F5: variants seen among roughly 807,000 people sequenced by gnomAD.
F5 encodes the protein activated protein c cofactor.
In F5, 138 loss-of-function variants were observed where a neutral mutation model predicts 216.4. The ratio of observed to expected loss-of-function variants is 0.64; its 90% CI spans 0.56 to 0.73. F5 has a LOEUF of 0.73. Ranked by LOEUF, F5 falls within the 30% of genes least tolerant of loss-of-function variation. The pLI, the probability that F5 is intolerant of heterozygous loss-of-function variation, is 0.00. For synonymous variants in F5, 916 were observed against 930.7 expected, an observed-to-expected ratio of 0.98 and a Z score of 0.29; for missense variants, 2,403 against 2,674.0, an observed-to-expected ratio of 0.90 and a Z score of 2.24.
intron 10 of F5, 54 bp from the exon 11 acceptor site, chr1:169,546,646 G>C: frequency 6.6e-7 from 1 of 1,503,910 alleles, no homozygotes; most frequent in Non-Finnish European, 9.3e-7. Context: ...TAGACCAATG[G>C]AACAGAATAG....
chr1:169,557,228 A>G (rs948241150), intron 5 of F5, among the ~76,000 whole-genome samples: 1 of 152,190 alleles, frequency 6.6e-6, no homozygotes, highest in African/African-American at 2.4e-5. Flanking sequence ...GACTTTAACT[A>G]TTAGAACTGG....
At chr1:169,569,963 GT>G (rs1045386991) in intron 3 of F5, among the ~76,000 whole-genome samples, 3 of 152,060 alleles carry the variant, frequency 2.0e-5, no homozygotes, top group Admixed American at 2.0e-4. Flanking sequence ...AGGAGGAGAT[GT>G]TTTATTTTAA....
rs369276714 is a variant in F5 at position 169,541,648 on chromosome 1, A to G, written c.3442T>C (p.Ser1148Pro). The change falls in exon 13 of 25, where the codon TCC becomes CCC. Residue 1148 changes from serine (S) to proline (P), a missense_variant. Transcript: ENST00000367797. Reference protein sequence around the residue: ...MHSTSDPSHRSSSPELSEMLE... With the variant: ...MHSTSDPSHRPSSPELSEMLE... ...ATTTCACTGAGCTCTGGAGAAGAGG[A>G]TCTGTGACTGGGGTCTGAAGTAGAG... is the stretch of plus-strand genomic sequence containing the variant. 2.2e-4 allele frequency: 350 copies of G among 1,613,982 alleles called. No homozygotes were observed. Among genetic ancestry groups the G allele is most frequent in the Non-Finnish European group, 2.9e-4 (340 of 1,179,992 alleles).
chr1:169,551,441 C>T (rs1412122692), intron 8 of F5, among the ~76,000 whole-genome samples: 1 of 152,138 alleles, frequency 6.6e-6, no homozygotes, highest in African/African-American at 2.4e-5. Flanking sequence ...CAGAGTAAGA[C>T]CCTTGGTGGG....
intron 17 of F5, 72 bp downstream of exon 17, chr1:169,527,843 T>C: frequency 2.5e-6 from 4 of 1,569,080 alleles, no homozygotes; most frequent in African/African-American, 1.3e-5. Flanking sequence ...AAGGAAGAAA[T>C]GAGAAGGAGT....
rs748029037 is a variant in F5, at chr1:169,514,392, C to G, written c.6596G>C (p.Arg2199Thr). ...KNFFNPPIIS[R>T]FIRVIPKTWN... ...TGTTTTAGGAATGACACGGATAAAC[C>G]TGGAAATGATTGGGGGGTTGAAAAA... is the stretch of plus-strand genomic sequence containing the variant. The change falls in exon 25 of 25, where the codon AGG becomes ACG. Residue 2199 changes from arginine (R) to threonine (T), a missense_variant. By Grantham distance (71) the Arg-to-Thr change is moderately conservative. This residue lies in a region of F5 where 659 missense variants were observed against 787.9 expected (regional missense o/e 0.84). Coordinates refer to ENST00000367797, the MANE Select transcript of F5 (RefSeq NM_000130.5). 3 of 1,613,130 alleles carry G rather than the reference C, an allele frequency of 1.9e-6. No homozygotes were observed. The African/African-American group carries it at 4.0e-5, about 22-fold the overall frequency.
chr1:169,542,918 A>G lies in F5; in HGVS notation c.2172T>C (p.Tyr724=), dbSNP rs778176207. The change falls in exon 13 of 25, where the codon TAT becomes TAC. Residue 724 remains tyrosine, a synonymous_variant. Transcript: ENST00000367797. The part of the protein sequence containing the change: ...EPEDEESDAD[Y]DYQNRLAAAL... Reference sequence around the variant, plus strand: ...CTGCAGCCAGTCTGTTCTGGTAATCATAGTCAGCATCACTCTCTTCATCTT... The same window carrying G: ...CTGCAGCCAGTCTGTTCTGGTAATCGTAGTCAGCATCACTCTCTTCATCTT... The G allele has an allele frequency of 6.2e-7, 1 of 1,614,118 alleles. No individual in the cohort carries two copies. The highest frequency in any genetic ancestry group is 2.2e-5 in the East Asian group (1 of 44,876).
rs575204028 is a variant in F5 at position 169,544,240 on chromosome 1, T to C, written c.1975+56A>G. The C allele has an allele frequency of 3.9e-5, 58 of 1,503,856 alleles. No homozygotes were observed. The East Asian group carries it at 1.1e-3, about 28-fold the overall frequency. The allele number at this position is 1,503,856 out of a possible 1,614,324, so 93.2% of individuals were successfully genotyped here. A position where few individuals can be genotyped will look rare whatever the true frequency, so the allele number is the denominator to read the frequency against. ...AGCCTGGAGAGTTGCAGCAGACCTT[T>C]ATAGACCAGAAATTCAAAGCAAGCT... On this transcript the variant is annotated intron_variant, in intron 12 of 24. Transcript: ENST00000367797.
intron 19 of F5, among the ~76,000 whole-genome samples, 155 bp downstream of exon 19, chr1:169,524,682 T>C (rs1169369748): frequency 2.0e-5 from 3 of 152,182 alleles, no homozygotes; most frequent in Admixed American, 2.0e-4. Context: ...TTACCATATA[T>C]GTACCCCAAA....
intron 2 of F5, among the ~76,000 whole-genome samples, chr1:169,575,967 G>A (rs1660837655): frequency 6.6e-6 from 1 of 152,110 alleles, no homozygotes; most frequent in Non-Finnish European, 1.5e-5. Context: ...TTATCAGAGG[G>A]ATGCAGGAGA....
chr1:169,559,066 C>A (rs925775342), intron 5 of F5, 87 bp downstream of exon 5: 2 of 1,460,752 alleles, frequency 1.4e-6, no homozygotes, highest in South Asian at 2.3e-5. Context: ...TGAGTATGGT[C>A]AACTTCTCTA....
At chr1:169,563,356 G>C (rs2101834658) in intron 3 of F5, among the ~76,000 whole-genome samples, 1 of 152,004 alleles carries the variant, frequency 6.6e-6, no homozygotes, top group Middle Eastern at 3.4e-3. Flanking sequence ...GAATCTGTTG[G>C]TTTGTAGTTT....
chr1:169,550,180 TGCA>T (rs1367267775), intron 9 of F5, among the ~76,000 whole-genome samples, 165 bp from the exon 10 acceptor site: 3 of 151,934 alleles, frequency 2.0e-5, no homozygotes, highest in Non-Finnish European at 4.4e-5. Context: ...GTGCACAACG[TGCA>T]GGTTTGTTAC....
chr1:169,559,517 A>T (rs151068127), intron 4 of F5, among the ~76,000 whole-genome samples: 2 of 152,218 alleles, frequency 1.3e-5, no homozygotes, highest in Admixed American at 6.5e-5. Context: ...TGCTTTGGGG[A>T]ACAGGCTTTA....
At chr1:169,576,431 G>A (rs1013707543) in intron 2 of F5, among the ~76,000 whole-genome samples, 2 of 152,148 alleles carry the variant, frequency 1.3e-5, no homozygotes, top group African/African-American at 4.8e-5. Context: ...AGGTCACAAA[G>A]TTCAGTCCTT....
rs1659892369 is a variant in F5 at position 169,542,595 on chromosome 1, G to A, written c.2495C>T (p.Ser832Phe). ...SSTAEHSSPY[S>F]EDPIEDPLQP... is the part of the protein sequence containing the mutation. Reference sequence around the variant, plus strand: ...TAGAGGATCCTCTATAGGGTCTTCAGAATATGGGCTGGAATGCTCTGCTGT... The same window carrying A: ...TAGAGGATCCTCTATAGGGTCTTCAAAATATGGGCTGGAATGCTCTGCTGT... Residue 832 changes from serine (S) to phenylalanine (F), a missense_variant, in exon 13 of 25, where the codon TCT becomes TTT. By Grantham distance (155) the Ser-to-Phe change is radical (BLOSUM62 -2). Around this residue, in one of 4 missense-constraint regions of F5, gnomAD observed 1,425 missense variants for 1,554.8 expected, o/e 0.92. Coordinates refer to ENST00000367797, the MANE Select transcript of F5 (RefSeq NM_000130.5). The A allele has an allele frequency of 6.2e-7, 1 of 1,614,084 alleles. No individual in the cohort carries two copies. Among genetic ancestry groups the A allele is most frequent in the Non-Finnish European group, 8.5e-7 (1 of 1,179,982 alleles).
chr1:169,567,483 G>A (rs1216333462), intron 3 of F5, among the ~76,000 whole-genome samples: 4 of 151,132 alleles, frequency 2.6e-5, no homozygotes, highest in African/African-American at 9.7e-5. Flanking sequence ...CCAATCCATT[G>A]TAGTGATGTA....
At position 169,546,519 on chromosome 1, in the gene F5, T is replaced by C; in HGVS notation, c.1685A>G (p.Asn562Ser). The C allele has an allele frequency of 6.2e-7, 1 of 1,614,164 alleles. No homozygotes were observed. Among genetic ancestry groups the C allele is most frequent in the East Asian group, 2.2e-5 (1 of 44,886 alleles). The change falls in exon 11 of 25, where the codon AAC becomes AGC. Residue 562 changes from asparagine to serine, a missense_variant. By Grantham distance (46) the Asn-to-Ser change is conservative. Coordinates refer to ENST00000367797, the MANE Select transcript of F5 (RefSeq NM_000130.5). ...AGGATTTTCACAAAACTTGTTGATG[T>C]TGTCCTCAAGGTACCAGCTTTTGTT... ...DENKSWYLED[N>S]INKFCENPDE... is the part of the protein sequence containing the mutation.
chr1:169,552,716 A>G lies in F5; in HGVS notation c.1137T>C (p.His379=), dbSNP rs773539656. 4 of 1,611,172 alleles carry G rather than the reference A, an allele frequency of 2.5e-6. No homozygotes were observed. The South Asian group carries it at 4.4e-5, about 18-fold the overall frequency. Residue 379 remains histidine (H), a synonymous_variant, in exon 8 of 25, where the codon CAT becomes CAC. Coordinates refer to ENST00000367797, the MANE Select transcript of F5 (RefSeq NM_000130.5). ...CAATTTGGTTTGAGAAATTATCCAA[A>G]TGCTGAGACCTGTATTTTCTTAAAG... ...ANMDKKYRSQ[H]LDNFSNQIGK...
Sources: allele counts gnomAD v4.1 joint callset (sites outside exome capture counted in the v4.1 genomes callset), GRCh38; gene constraint gnomAD v4.1.1; regional missense constraint gnomAD v4.1.1; transcripts MANE v1.5; gene names NCBI Gene and HGNC (gene_info 2026-07-23, HGNC 2026-07-21).